Variants in FLT4 observed in about 807,000 individuals in gnomAD.
The protein encoded by FLT4 is fms related receptor tyrosine kinase 4.
Under a neutral mutation model 163.2 loss-of-function variants are expected in FLT4, and 30 were observed. The observed-to-expected ratio is 0.18, with a 90% CI of 0.14 to 0.25. FLT4 has a LOEUF of 0.25. Ranked by LOEUF, FLT4 falls within the 10% of genes least tolerant of loss-of-function variation. FLT4 has a pLI of 1.00. For missense variants in FLT4, 1,510 were observed against 1,863.8 expected, an observed-to-expected ratio of 0.81 and a Z score of 3.50; for synonymous variants, 884 against 789.5, an observed-to-expected ratio of 1.12 and a Z score of -2.01.
intron 22 of FLT4, 144 bp from the exon 23 acceptor site, chr5:180,616,633 C>T: frequency 2.2e-6 from 2 of 928,066 alleles, no homozygotes; most frequent in Non-Finnish European, 3.3e-6. Flanking sequence ...GATTCCCATC[C>T]ATCTCCAGGA....
In FLT4 at chr5:180,621,972, C is replaced by A. The variant is rs79676169; in HGVS notation, c.1658-68G>T. The A allele has an allele frequency of 0.092, 145,792 of 1,576,682 alleles. 7,295 individuals carry two copies. The highest frequency in any genetic ancestry group is 0.1 in the Non-Finnish European group (118,109 of 1,166,500). On this transcript the variant is annotated intron_variant, in intron 12 of 29. Transcript: ENST00000261937. The stretch of plus-strand genomic sequence containing the variant: ...TTGCTCCCCCATCCACCTGCCGCCC[C>A]GGGGTCTCCTCCTGCCTCCCTCCCT...
intron 22 of FLT4, among the ~76,000 whole-genome samples, 176 bp from the exon 23 acceptor site, chr5:180,616,665 G>C (rs1017438689): frequency 2.0e-5 from 3 of 152,190 alleles, no homozygotes; most frequent in Non-Finnish European, 4.4e-5. Flanking sequence ...GAGAGCTTGT[G>C]GAATTGTGGG....
At chr5:180,633,673 G>C (rs1764339049) in intron 1 of FLT4, among the ~76,000 whole-genome samples, 1 of 152,152 alleles carries the variant, frequency 6.6e-6, no homozygotes, top group African/African-American at 2.4e-5. Context: ...TTTTTTTCCA[G>C]GTAGTGGAAA....
chr5:180,611,226 C>G, intron 27 of FLT4, 105 bp downstream of exon 27: 1 of 1,379,802 alleles, frequency 7.2e-7, no homozygotes, highest in South Asian at 1.2e-5. Context: ...ACACTGGCCT[C>G]TGACGTCGCA....
At chr5:180,645,624 C>T (rs1035169268) in intron 1 of FLT4, among the ~76,000 whole-genome samples, 1 of 152,110 alleles carries the variant, frequency 6.6e-6, no homozygotes, top group Non-Finnish European at 1.5e-5. Context: ...CAGGCCTGGC[C>T]GTGGGCTAGG....
rs1761601279 is a variant in FLT4, at chr5:180,603,199, C to A, written c.4085G>T (p.Ser1362Ile). 3 of 1,613,792 alleles carry A rather than the reference C, an allele frequency of 1.9e-6. No individual in the cohort carries two copies. The highest frequency in any genetic ancestry group is 2.2e-5 in the South Asian group (2 of 91,080). The change falls in exon 30 of 30, where the codon AGC becomes ATC. Residue 1362 changes from serine (S) to isoleucine (I), a missense_variant. Around this residue, in one of 5 missense-constraint regions of FLT4, gnomAD observed 295 missense variants for 311.0 expected, o/e 0.95. Transcript: ENST00000261937. Reference sequence around the variant, plus strand: ...GGTCTTGTCCGATGCTGCTTAGTAGCTGTTGTCTGTGAAGAAAGTCACGCG... The same window carrying A: ...GGTCTTGTCCGATGCTGCTTAGTAGATGTTGTCTGTGAAGAAAGTCACGCG... ...SARVTFFTDN[S>I]Y is the part of the protein sequence containing the mutation.
intron 24 of FLT4, 120 bp downstream of exon 24, chr5:180,613,939 CCACCTGCTT>C: frequency 1.3e-6 from 1 of 748,758 alleles, no homozygotes; most frequent in Non-Finnish European, 2.4e-6. Context: ...GGCCCACAAA[CCACCTGCTT>C]CAGAACGACC....
chr5:180,604,310 T>C (rs1280108785), intron 29 of FLT4, among the ~76,000 whole-genome samples: 2 of 152,196 alleles, frequency 1.3e-5, no homozygotes, highest in East Asian at 1.9e-4. Flanking sequence ...CCTGGGGTTC[T>C]CCTTGCTTCC....
intron 6 of FLT4, 77 bp from the exon 7 acceptor site, chr5:180,629,504 C>T: frequency 6.4e-7 from 1 of 1,564,898 alleles, no homozygotes; most frequent in Admixed American, 1.7e-5. Context: ...CACCTCCCAG[C>T]CCAGCCAGCG....
At chr5:180,612,878 G>C in intron 25 of FLT4, 133 bp downstream of exon 25, 1 of 721,756 alleles carries the variant, frequency 1.4e-6, no homozygotes, top group South Asian at 1.6e-5. Flanking sequence ...CAGACTACCC[G>C]TGTATCTTGA....
chr5:180,621,000 G>A lies in FLT4; in HGVS notation c.2175C>T (p.Asp725=), dbSNP rs1257328813. ...TCAGCTTCTGGTTGGAGTCCGCCAA[G>A]TCGACTCCTGCAGGGGGTGGGGTGG... ...ERLLEEKSGV[D]LADSNQKLSI... Residue 725 remains aspartate, a synonymous_variant, in exon 15 of 30, where the codon GAC becomes GAT. Transcript: ENST00000261937. This position sits in a 1 kb window ranked among gnomAD's most constrained non-coding sequence, Gnocchi z 4.4. 3.7e-6 allele frequency: 6 copies of A among 1,611,438 alleles called. No homozygotes were observed. Among genetic ancestry groups the A allele is most frequent in the Non-Finnish European group, 5.1e-6 (6 of 1,179,086 alleles).
rs1217915893 is a variant in FLT4 at position 180,620,293 on chromosome 5, T to C, written c.2422A>G (p.Ile808Val). Residue 808 changes from isoleucine to valine, a missense_variant, in exon 17 of 30, where the codon ATC (isoleucine) becomes GTC (valine). Physicochemically the swap from Ile to Val is conservative, Grantham distance 29. Coordinates refer to ENST00000261937, the MANE Select transcript of FLT4 (RefSeq NM_182925.5). The surrounding 1 kb of genome is among the most constrained non-coding windows in gnomAD (Gnocchi z 4.4). ...ATGATGGACAGGTAGCCCGTCTTGATGTCTGCGTGGGCCGGCTGCGGGGAG... is the reference window on the plus strand; with the variant it reads ...ATGATGGACAGGTAGCCCGTCTTGACGTCTGCGTGGGCCGGCTGCGGGGAG... ...CNMRRPAHAD[I>V]KTGYLSIIMD... 1 of 1,611,916 alleles carries C rather than the reference T, an allele frequency of 6.2e-7. No individual in the cohort carries two copies. The highest frequency in any genetic ancestry group is 8.5e-7 in the Non-Finnish European group (1 of 1,179,954).
intron 29 of FLT4, among the ~76,000 whole-genome samples, chr5:180,607,364 C>T (rs988579561): frequency 2.0e-5 from 3 of 151,850 alleles, no homozygotes; most frequent in African/African-American, 4.8e-5. Context: ...TGGCCGGGCG[C>T]GGTGGCTCAG....
chr5:180,637,956 A>T (rs1309184016), intron 1 of FLT4, among the ~76,000 whole-genome samples: 1 of 151,966 alleles, frequency 6.6e-6, no homozygotes, highest in African/African-American at 2.4e-5. Context: ...GTCTCCCCTC[A>T]TCCACCAATG....
At chr5:180,649,120 G>A (rs1765624832) in intron 1 of FLT4, among the ~76,000 whole-genome samples, 1 of 151,668 alleles carries the variant, frequency 6.6e-6, no homozygotes, top group Admixed American at 6.6e-5. Context: ...GGCGCGGCGC[G>A]GGGACCCCGC....
In FLT4 at chr5:180,631,729, C is replaced by T. The variant is rs1477174819; in HGVS notation, c.108G>A (p.Glu36=). Reference sequence around the variant, plus strand: ...CACCGGTGTCGATGACGTGTGACTCCTCCGTGATGTTCAAGGTCGGGGGGG... The same window carrying T: ...CACCGGTGTCGATGACGTGTGACTCTTCCGTGATGTTCAAGGTCGGGGGGG... ...SMTPPTLNIT[E]ESHVIDTGDS... Residue 36 remains glutamate, a synonymous_variant, in exon 2 of 30, where the codon GAG becomes GAA. Transcript: ENST00000261937. 6.2e-7 allele frequency: 1 copy of T among 1,610,970 alleles called. No individual in the cohort carries two copies. Among genetic ancestry groups the T allele is most frequent in the Admixed American group, 1.7e-5 (1 of 60,026 alleles).
At chr5:180,604,493 GTCC>G (rs1761683373) in intron 29 of FLT4, among the ~76,000 whole-genome samples, 1 of 152,134 alleles carries the variant, frequency 6.6e-6, no homozygotes. Flanking sequence ...CCTCCTGGTG[GTCC>G]ACCCTTCAGA....
intron 24 of FLT4, 23 bp downstream of exon 24, chr5:180,614,045 C>T (rs1762422702): frequency 6.5e-7 from 1 of 1,540,036 alleles, no homozygotes; most frequent in South Asian, 1.1e-5. Context: ...CCTCTCCCCA[C>T]CGGCACCCCA....
At chr5:180,644,170 C>T (rs1373904668) in intron 1 of FLT4, among the ~76,000 whole-genome samples, 1 of 152,198 alleles carries the variant, frequency 6.6e-6, no homozygotes, top group Non-Finnish European at 1.5e-5. Context: ...TTCGTCGTGG[C>T]ATATTCCCAG....
Sources: allele counts gnomAD v4.1 joint callset (sites outside exome capture counted in the v4.1 genomes callset), GRCh38; gene constraint gnomAD v4.1.1; regional missense constraint gnomAD v4.1.1; non-coding constraint Gnocchi (gnomAD v3.1); transcripts MANE v1.5; gene names NCBI Gene and HGNC (gene_info 2026-07-23, HGNC 2026-07-21).